C11orf42: variants seen among roughly 807,000 people sequenced by gnomAD.
C11orf42 encodes chromosome 11 open reading frame 42, also known as uncharacterized protein C11orf42.
Under a neutral mutation model 27.9 loss-of-function variants are expected in C11orf42, and 24 were observed. The ratio of observed to expected loss-of-function variants is 0.86; its 90% CI spans 0.62 to 1.21. The LOEUF (loss-of-function observed/expected upper bound fraction) is 1.21, where lower values mean the gene tolerates loss of function less well. Ranked by LOEUF, C11orf42 falls within the 50% of genes most tolerant of loss-of-function variation. The pLI, the probability that C11orf42 is intolerant of heterozygous loss-of-function variation, is 0.00. For synonymous variants in C11orf42, 187 were observed against 180.8 expected (o/e 1.03, Z -0.28); for missense variants, 455 against 424.1 (o/e 1.07, Z -0.64).
At position 6,211,067 on chromosome 11, in the gene C11orf42, C is replaced by T; in HGVS notation, c.*25C>T. 5 of 1,607,712 alleles carry T rather than the reference C, an allele frequency of 3.1e-6. No homozygotes were observed. Among genetic ancestry groups the T allele is most frequent in the South Asian group, 1.1e-5 (1 of 90,340 alleles). On this transcript the variant is annotated 3_prime_UTR_variant, in exon 3 of 3. Transcript: ENST00000316375. The stretch of plus-strand genomic sequence containing the variant: ...AAGCTGAAGCAAAAGATTCCGGGGG[C>T]AAAGCCCCCAAGATCTGGCATAGGG...
At chr11:6,209,714 TG>T in intron 1 of C11orf42, 135 bp from the exon 2 acceptor site, 1 of 834,832 alleles carries the variant, frequency 1.2e-6, no homozygotes, top group Non-Finnish European at 1.9e-6. Context: ...GCCGGAGAGC[TG>T]GGAGGTAAGC....
chr11:6,211,002 T>A lies in C11orf42; in HGVS notation c.962T>A (p.Leu321Gln). The stretch of plus-strand genomic sequence containing the variant: ...GACGGGCACTCCATGTCCCTGCCCC[T>A]GCTGCAGGGTCTATCCTCAGAGTTC... ...DPDGHSMSLP[L>Q]LQGLSSEFDS... The change falls in exon 3 of 3, where the codon CTG (leucine) becomes CAG (glutamine). Residue 321 changes from leucine (L) to glutamine (Q), a missense_variant. Leu to Gln is a moderately radical substitution (Grantham distance 113). Coordinates refer to ENST00000316375, the MANE Select transcript of C11orf42 (RefSeq NM_173525.3). 1 of 1,609,098 alleles carries A rather than the reference T, an allele frequency of 6.2e-7. No individual in the cohort carries two copies. Among genetic ancestry groups the A allele is most frequent in the Non-Finnish European group, 8.5e-7 (1 of 1,178,632 alleles).
chr11:6,206,471 C>T (rs1846980392), intron 1 of C11orf42, among the ~76,000 whole-genome samples: 1 of 151,910 alleles, frequency 6.6e-6, no homozygotes, highest in Non-Finnish European at 1.5e-5. Context: ...CTGGAAATTT[C>T]AGATCAGAGA....
rs187343721 is a variant in C11orf42, at chr11:6,208,718, T to G, written c.73-1132T>G. Among the ~76,000 whole-genome samples, 10 of 152,290 alleles carry G rather than the reference T, an allele frequency of 6.6e-5. No homozygotes were observed. In the East Asian group the frequency reaches 1.9e-3, roughly 29 times the overall value. On this transcript the variant is annotated intron_variant, in intron 1 of 2. Transcript: ENST00000316375. ...CTGGGATTATAGGCATGAGCCAGGG[T>G]GCACAGCCGAGGATTCTTTTTTCCC...
chr11:6,208,118 T>C (rs1269127210), intron 1 of C11orf42, among the ~76,000 whole-genome samples: 1 of 152,118 alleles, frequency 6.6e-6, no homozygotes, highest in African/African-American at 2.4e-5. Context: ...GAGGCTCTTA[T>C]AGGTTTCCCA....
In C11orf42 at chr11:6,210,663, AATG is replaced by A; in HGVS notation, c.871+23_871+25del. 3 of 1,608,924 alleles carry A rather than the reference AATG, an allele frequency of 1.9e-6. No homozygotes were observed. The highest frequency in any genetic ancestry group is 1.7e-6 in the Non-Finnish European group (2 of 1,177,336). ...GATACTGTCAGGTACTACTAGGGGAAATGATGATGAGATGGATGGGAGGGACAA... is the reference window on the plus strand; with the variant it reads ...GATACTGTCAGGTACTACTAGGGGAAATGATGAGATGGATGGGAGGGACAA... On this transcript the variant is annotated intron_variant, in intron 2 of 2. Transcript: ENST00000316375. This position sits in a 1 kb window ranked among gnomAD's most constrained non-coding sequence, Gnocchi z 4.0.
In C11orf42 at chr11:6,207,359, T is replaced by C. The variant is rs899103218; in HGVS notation, c.72+1672T>C. ...AAAGAGCCTCCAGCTAAACCAGAGATTCACCCTTTTAGCAGAAACTTGGAT... is the reference window on the plus strand; with the variant it reads ...AAAGAGCCTCCAGCTAAACCAGAGACTCACCCTTTTAGCAGAAACTTGGAT... On this transcript the variant is annotated intron_variant, in intron 1 of 2. Transcript: ENST00000316375. Among the ~76,000 whole-genome samples, 8 of 152,058 alleles carry C rather than the reference T, an allele frequency of 5.3e-5. No individual in the cohort carries two copies. In the South Asian group the frequency reaches 1.7e-3, roughly 32 times the overall value.
At position 6,210,979 on chromosome 11, in the gene C11orf42, C is replaced by T. The variant is rs141205267; in HGVS notation, c.939C>T (p.Asp313=). 1.6e-5 allele frequency: 25 copies of T among 1,607,244 alleles called. No individual in the cohort carries two copies. Among genetic ancestry groups the T allele is most frequent in the South Asian group, 2.2e-5 (2 of 90,250 alleles). ...GAQGGGPRDP[D]GHSMSLPLLQ... The stretch of plus-strand genomic sequence containing the variant: ...AGGGTGGGGGCCCCAGGGACCCCGA[C>T]GGGCACTCCATGTCCCTGCCCCTGC... The change falls in exon 3 of 3, where the codon GAC becomes GAT. Residue 313 remains aspartate, a synonymous_variant. Coordinates refer to ENST00000316375, the MANE Select transcript of C11orf42 (RefSeq NM_173525.3). The surrounding 1 kb of genome is among the most constrained non-coding windows in gnomAD (Gnocchi z 4.0).
intron 1 of C11orf42, among the ~76,000 whole-genome samples, chr11:6,206,865 G>A (rs769056691): frequency 5.9e-5 from 9 of 152,146 alleles, no homozygotes; most frequent in South Asian, 2.1e-4. Context: ...CAGGAAAATC[G>A]GGGTAGAGAT....
Position 6,205,808 on chromosome 11 carries a change from G to C in C11orf42, c.72+121G>C, listed in dbSNP as rs137895541. On this transcript the variant is annotated intron_variant, in intron 1 of 2. Coordinates refer to ENST00000316375, the MANE Select transcript of C11orf42 (RefSeq NM_173525.3). ...CAATAATAACCAACATTTACTCACT[G>C]CTTCCATATGTGCCAGGCACTGCAG... is the stretch of plus-strand genomic sequence containing the variant. 4,276 of 730,196 alleles carry C rather than the reference G, an allele frequency of 5.9e-3. 17 individuals are homozygous for C. Among genetic ancestry groups the C allele is most frequent in the Non-Finnish European group, 6.1e-3 (2,635 of 432,640 alleles). 45.2% of individuals were successfully genotyped at this position (730,196 alleles called of 1,614,324 possible). A position where few individuals can be genotyped will look rare whatever the true frequency, so the allele number is the denominator to read the frequency against.
chr11:6,209,780 G>A lies in C11orf42; in HGVS notation c.73-70G>A. On this transcript the variant is annotated intron_variant, in intron 1 of 2. Coordinates refer to ENST00000316375, the MANE Select transcript of C11orf42 (RefSeq NM_173525.3). ...GATGTAACTGAACGTGAACCTGGGGGTCAATTTAAAGTAGGCAACCAGTTA... is the reference window on the plus strand; with the variant it reads ...GATGTAACTGAACGTGAACCTGGGGATCAATTTAAAGTAGGCAACCAGTTA... 11 of 1,440,362 alleles carry A rather than the reference G, an allele frequency of 7.6e-6. No homozygotes were observed. The South Asian group carries it at 1.5e-4, about 20-fold the overall frequency. The allele number at this position is 1,440,362 out of a possible 1,614,324, so 89.2% of individuals were successfully genotyped here. A position where few individuals can be genotyped will look rare whatever the true frequency, so the allele number is the denominator to read the frequency against.
At position 6,210,914 on chromosome 11, in the gene C11orf42, A is replaced by C; in HGVS notation, c.874A>C (p.Asn292His). The change falls in exon 3 of 3, where the codon AAC (asparagine) becomes CAC (histidine). Residue 292 changes from asparagine (N) to histidine (H), a missense_variant and splice_region_variant. Physicochemically the swap from Asn to His is moderately conservative, Grantham distance 68. Transcript: ENST00000316375. The surrounding 1 kb of genome is among the most constrained non-coding windows in gnomAD (Gnocchi z 4.0). ...FWRGPQILSENWLFSPRSPPP... is the reference protein window; with the variant it reads ...FWRGPQILSEHWLFSPRSPPP... ...GTGACTATCCCCAACCCTGGCAGAG[A>C]ACTGGCTCTTCAGCCCCCGCAGCCC... is the stretch of plus-strand genomic sequence containing the variant. 6.2e-7 allele frequency: 1 copy of C among 1,605,084 alleles called. No homozygotes were observed.
Position 6,210,082 on chromosome 11 carries a change from C to G in C11orf42, c.305C>G (p.Pro102Arg). 1.9e-6 allele frequency: 3 copies of G among 1,614,228 alleles called. No individual in the cohort carries two copies. The highest frequency in any genetic ancestry group is 2.5e-6 in the Non-Finnish European group (3 of 1,180,042). The change falls in exon 2 of 3, where the codon CCA becomes CGA. Residue 102 changes from proline (P) to arginine (R), a missense_variant. By Grantham distance (103) the Pro-to-Arg change is moderately radical. Transcript: ENST00000316375. This position sits in a 1 kb window ranked among gnomAD's most constrained non-coding sequence, Gnocchi z 4.0. ...AFAHCTREYSPNGRAERAYEE... is the reference protein window; with the variant it reads ...AFAHCTREYSRNGRAERAYEE... ...GCCCACTGCACTCGGGAATACTCAC[C>G]AAATGGCCGAGCAGAGAGAGCCTAT...
chr11:6,209,701 G>A (rs575103182), intron 1 of C11orf42, 149 bp from the exon 2 acceptor site: 73 of 722,332 alleles, frequency 1.0e-4, no homozygotes, highest in Non-Finnish European at 1.6e-4. Context: ...TCAAGGTTTT[G>A]CTGCCGGAGA....
rs753774159 is a variant in C11orf42, at chr11:6,210,101, A to C, written c.324A>C (p.Arg108Ser). 15 of 1,614,052 alleles carry C rather than the reference A, an allele frequency of 9.3e-6. No homozygotes were observed. Among genetic ancestry groups the C allele is most frequent in the Non-Finnish European group, 1.1e-5 (13 of 1,180,024 alleles). ...ACTCACCAAATGGCCGAGCAGAGAG[A>C]GCCTATGAAGAGACGCGAATGTTGG... The part of the protein sequence containing the change: ...REYSPNGRAE[R>S]AYEETRMLDG... The change falls in exon 2 of 3, where the codon AGA becomes AGC. Residue 108 changes from arginine (R) to serine (S), a missense_variant. Physicochemically the swap from Arg to Ser is moderately radical, Grantham distance 110. Coordinates refer to ENST00000316375, the MANE Select transcript of C11orf42 (RefSeq NM_173525.3). This position sits in a 1 kb window ranked among gnomAD's most constrained non-coding sequence, Gnocchi z 4.0.
chr11:6,210,589 C>A lies in C11orf42; in HGVS notation c.812C>A (p.Pro271His). The change falls in exon 2 of 3, where the codon CCC becomes CAC. Residue 271 changes from proline to histidine, a missense_variant. Pro to His is a moderately conservative substitution (Grantham distance 77). Transcript: ENST00000316375. The surrounding 1 kb of genome is among the most constrained non-coding windows in gnomAD (Gnocchi z 4.0). ...PPPQEGPEDKPTRFSYKGRNP... is the reference protein window; with the variant it reads ...PPPQEGPEDKHTRFSYKGRNP... ...CCCCAGGAAGGGCCAGAGGACAAAC[C>A]CACCAGATTCTCCTACAAGGGCCGA... 6.2e-7 allele frequency: 1 copy of A among 1,614,146 alleles called. No homozygotes were observed. Among genetic ancestry groups the A allele is most frequent in the Non-Finnish European group, 8.5e-7 (1 of 1,180,022 alleles).
At position 6,211,088 on chromosome 11, in the gene C11orf42, T is replaced by A; in HGVS notation, c.*46T>A. ...GGGGCAAAGCCCCCAAGATCTGGCA[T>A]AGGGGTACTGGTCTCTAATAAACAT... is the stretch of plus-strand genomic sequence containing the variant. On this transcript the variant is annotated 3_prime_UTR_variant, in exon 3 of 3. Transcript: ENST00000316375. 6.2e-7 allele frequency: 1 copy of A among 1,602,888 alleles called. No homozygotes were observed. The highest frequency in any genetic ancestry group is 8.5e-7 in the Non-Finnish European group (1 of 1,176,856).
At chr11:6,209,776 G>T in intron 1 of C11orf42, 74 bp from the exon 2 acceptor site, 1 of 1,405,880 alleles carries the variant, frequency 7.1e-7, no homozygotes, top group Non-Finnish European at 9.7e-7. Context: ...ACGTGAACCT[G>T]GGGGTCAATT....
intron 1 of C11orf42, 47 bp downstream of exon 1, chr11:6,205,734 G>A (rs777348327): frequency 1.3e-6 from 2 of 1,503,296 alleles, no homozygotes; most frequent in Non-Finnish European, 9.3e-7. Flanking sequence ...AGTGTGACCT[G>A]CATGGGTCTC....
Sources: gnomAD v4.1 joint callset for allele counts (sites outside exome capture counted in the v4.1 genomes callset) on GRCh38, gnomAD v4.1.1 for gene constraint, Gnocchi (gnomAD v3.1) non-coding constraint, MANE v1.5 for transcripts, NCBI Gene and HGNC (gene_info 2026-07-23, HGNC 2026-07-21) for gene names.